RARA: variants seen among roughly 807,000 people sequenced by gnomAD.
The protein encoded by RARA is PML-DDX5-RARA fusion.
RARA carries 5 observed loss-of-function variants against 42.8 expected under a neutral mutation model. The ratio of observed to expected loss-of-function variants is 0.12; its 90% confidence interval spans 0.06 to 0.25. RARA has a LOEUF of 0.25. RARA is among the 10% of genes least tolerant of loss of function. The pLI, the probability that RARA is intolerant of heterozygous loss-of-function variation, is 1.00. For synonymous variants in RARA, 256 were observed against 259.5 expected (o/e 0.99, Z 0.13); for missense variants, 402 against 628.7 (o/e 0.64, Z 3.86).
At chr17:40,343,821 T>A (rs1410332184) in intron 2 of RARA, among the ~76,000 whole-genome samples, 1 of 152,176 alleles carries the variant, frequency 6.6e-6, no homozygotes, top group Admixed American at 6.5e-5. Context: ...TGTTGCCCCC[T>A]GCCTGGGTGC....
Position 40,355,561 on chromosome 17 carries a change from A to G in RARA, c.1171+140A>G. 8.0e-7 allele frequency: 1 copy of G among 1,242,872 alleles called. No individual in the cohort carries two copies. Among genetic ancestry groups the G allele is most frequent in the Non-Finnish European group, 1.1e-6 (1 of 917,442 alleles). The allele number at this position is 1,242,872 out of a possible 1,614,324, so 77.0% of individuals were successfully genotyped here. On this transcript the variant is annotated intron_variant, in intron 8 of 8. Coordinates refer to ENST00000254066, the MANE Select transcript of RARA (RefSeq NM_000964.4). The surrounding 1 kb of genome is among the most constrained non-coding windows in gnomAD (Gnocchi z 4.1). ...GTGTCTAGGCTGAGGTCCCCTAGTG[A>G]CTCCACTTTGCCGAGGTGGCCCGCC...
At chr17:40,341,275 G>A in intron 2 of RARA, 1 of 1,348,202 alleles carries the variant, frequency 7.4e-7, no homozygotes, top group Non-Finnish European at 9.7e-7. Flanking sequence ...GACACCTTGG[G>A]CGGGGCTTTG....
In RARA at chr17:40,356,332, G is replaced by T. The variant is rs902493348; in HGVS notation, c.*106G>T. 1.4e-5 allele frequency: 17 copies of T among 1,235,476 alleles called. No homozygotes were observed. The highest frequency in any genetic ancestry group is 2.0e-5 in the Admixed American group (1 of 50,576). The allele number at this position is 1,235,476 out of a possible 1,614,324, so 76.5% of individuals were successfully genotyped here. ...CAGCCCTGCCCCCACCTGCCCTCCC[G>T]GGCAGTACTGGGGACCTTCCCTGGG... On this transcript the variant is annotated 3_prime_UTR_variant, in exon 9 of 9. Coordinates refer to ENST00000254066, the MANE Select transcript of RARA (RefSeq NM_000964.4).
At chr17:40,347,052 T>C (rs1280739554) in intron 2 of RARA, among the ~76,000 whole-genome samples, 1 of 152,234 alleles carries the variant, frequency 6.6e-6, no homozygotes, top group Non-Finnish European at 1.5e-5. Context: ...CCATGCTTCC[T>C]TCCTCTGTGC....
chr17:40,357,362 CAGT>C lies in RARA; in HGVS notation c.*1139_*1141del, dbSNP rs1469425073. 35 of 233,812 alleles carry C rather than the reference CAGT, an allele frequency of 1.5e-4. No individual in the cohort carries two copies. The highest frequency in any genetic ancestry group is 7.6e-5 in the Non-Finnish European group (9 of 118,586). 14.5% of individuals were successfully genotyped at this position (233,812 alleles called of 1,614,324 possible). On this transcript the variant is annotated 3_prime_UTR_variant, in exon 9 of 9. Coordinates refer to ENST00000254066, the MANE Select transcript of RARA (RefSeq NM_000964.4). Reference sequence around the variant, plus strand: ...CACACACAAACACACACACACTGGACAGTAGATGGGCCGACACACACTTGGCCC... The same window carrying C: ...CACACACAAACACACACACACTGGACAGATGGGCCGACACACACTTGGCCC...
chr17:40,331,954 C>T (rs1229804018), intron 2 of RARA, among the ~76,000 whole-genome samples: 3 of 152,130 alleles, frequency 2.0e-5, no homozygotes, highest in Non-Finnish European at 4.4e-5. Flanking sequence ...GAGGGGCCCA[C>T]GGTCTAGCTG....
intron 1 of RARA, among the ~76,000 whole-genome samples, chr17:40,318,834 CTTT>C (rs1168213461): frequency 6.6e-6 from 1 of 152,240 alleles, no homozygotes; most frequent in African/African-American, 2.4e-5. Flanking sequence ...AGCCCCCTCT[CTTT>C]TTCCCTCCTG....
chr17:40,356,915 G>GC lies in RARA; in HGVS notation c.*695dup. The GC allele has an allele frequency of 2.5e-6, 1 of 407,046 alleles. No homozygotes were observed. The highest frequency in any genetic ancestry group is 2.3e-5 in the South Asian group (1 of 42,918). The allele number at this position is 407,046 out of a possible 1,614,324, so 25.2% of individuals were successfully genotyped here. A position where few individuals can be genotyped will look rare whatever the true frequency, so the allele number is the denominator to read the frequency against. ...CCCCACTCTCCTTTCATGTCCCTGT[G>GC]CCCCCCAGTTCTCCTCCTCAGCCTT... On this transcript the variant is annotated 3_prime_UTR_variant, in exon 9 of 9. Transcript: ENST00000254066.
chr17:40,314,164 GGGATA>G (rs1264938247), intron 1 of RARA, among the ~76,000 whole-genome samples: 4 of 147,232 alleles, frequency 2.7e-5, no homozygotes, highest in Non-Finnish European at 6.0e-5. Context: ...AGGTGGGTGA[GGGATA>G]TGGCGGGTGG....
intron 2 of RARA, chr17:40,342,588 G>T: frequency 7.1e-7 from 1 of 1,402,632 alleles, no homozygotes; most frequent in South Asian, 1.5e-5. Context: ...GTCACCAGTC[G>T]GGGCGAGGGG....
intron 1 of RARA, among the ~76,000 whole-genome samples, chr17:40,317,049 G>A (rs1332772922): frequency 6.6e-6 from 1 of 152,268 alleles, no homozygotes; most frequent in African/African-American, 2.4e-5. Context: ...TCTAGACCCG[G>A]CTCTGCAACC....
chr17:40,355,959 G>GGA lies in RARA; in HGVS notation c.1172-50_1172-49insGA, dbSNP rs1160638598. On this transcript the variant is annotated intron_variant, in intron 8 of 8. Transcript: ENST00000254066. The surrounding 1 kb of genome is among the most constrained non-coding windows in gnomAD (Gnocchi z 4.1). Reference sequence around the variant, plus strand: ...CGAGCCAGGCTTGCTGGGGCTGGGGGTGGGAGGGCTGGCCCAGCGTGCTGA... The same window carrying GGA: ...CGAGCCAGGCTTGCTGGGGCTGGGGGGATGGGAGGGCTGGCCCAGCGTGCTGA... 1 of 1,504,756 alleles carries GGA rather than the reference G, an allele frequency of 6.6e-7. No homozygotes were observed. The highest frequency in any genetic ancestry group is 9.0e-7 in the Non-Finnish European group (1 of 1,111,794). The allele number at this position is 1,504,756 out of a possible 1,614,324, so 93.2% of individuals were successfully genotyped here. A position where few individuals can be genotyped will look rare whatever the true frequency, so the allele number is the denominator to read the frequency against.
intron 2 of RARA, among the ~76,000 whole-genome samples, chr17:40,333,643 T>C (rs2143298872): frequency 6.9e-6 from 1 of 145,506 alleles, no homozygotes; most frequent in South Asian, 2.2e-4. Context: ...GCTTTCTTTC[T>C]TTTTTTTTTT....
At chr17:40,341,413 A>G (rs764973321) in intron 2 of RARA, 2 of 1,517,302 alleles carry the variant, frequency 1.3e-6, no homozygotes, top group Admixed American at 2.2e-5. Flanking sequence ...CAATGACACA[A>G]GCCGGTGTCT....
chr17:40,312,995 A>G (rs1404253556), intron 1 of RARA, among the ~76,000 whole-genome samples: 2 of 152,190 alleles, frequency 1.3e-5, no homozygotes, highest in Non-Finnish European at 2.9e-5. Flanking sequence ...TTTTTTGTGC[A>G]GGGTCTCTGA....
rs2034210842 is a variant in RARA, at chr17:40,345,048, G to A, written c.179-3268G>A. Among the ~76,000 whole-genome samples, 1 of 152,180 alleles carries A rather than the reference G, an allele frequency of 6.6e-6. No individual in the cohort carries two copies. Among genetic ancestry groups the A allele is most frequent in the Admixed American group, 6.5e-5 (1 of 15,282 alleles). ...GTGGCCTGGGTTCTGCAGGGCCCTA[G>A]GGACATTGCCTCCCTCCCCAGAGCC... On this transcript the variant is annotated intron_variant, in intron 2 of 8. Transcript: ENST00000254066. The surrounding 1 kb of genome is among the most constrained non-coding windows in gnomAD (Gnocchi z 4.8).
chr17:40,348,267 A>G, intron 2 of RARA, 49 bp from the exon 3 acceptor site: 1 of 1,507,134 alleles, frequency 6.6e-7, no homozygotes, highest in Non-Finnish European at 8.9e-7. Flanking sequence ...CTTGGTACTA[A>G]GGATGGCGAC....
At chr17:40,318,070 T>G (rs560038287) in intron 1 of RARA, among the ~76,000 whole-genome samples, 1 of 152,330 alleles carries the variant, frequency 6.6e-6, no homozygotes, top group South Asian at 2.1e-4. Flanking sequence ...GGTCCAGTCT[T>G]CAACTAGGAG....
intron 2 of RARA, among the ~76,000 whole-genome samples, chr17:40,332,615 G>T (rs1344962218): frequency 1.3e-5 from 2 of 152,216 alleles, no homozygotes; most frequent in Non-Finnish European, 2.9e-5. Flanking sequence ...TTCCTGGATC[G>T]CCTCCTCTGG....
Sources: gnomAD v4.1 joint callset for allele counts (sites outside exome capture counted in the v4.1 genomes callset) on GRCh38, gnomAD v4.1.1 for gene constraint, Gnocchi (gnomAD v3.1) non-coding constraint, MANE v1.5 for transcripts, NCBI Gene and HGNC (gene_info 2026-07-23, HGNC 2026-07-21) for gene names.